AMOTL1: variants seen among roughly 807,000 people sequenced by gnomAD.
The protein encoded by AMOTL1 is angiomotin-like protein 1.
A neutral mutation model predicts 102.9 loss-of-function variants in AMOTL1; 45 were observed. The observed-to-expected ratio is 0.44, with a 90% CI of 0.34 to 0.56. The LOEUF is 0.56. Ranked by LOEUF, AMOTL1 falls within the 20% of genes least tolerant of loss-of-function variation. The pLI is 0.01. For synonymous variants in AMOTL1, 481 were observed against 484.7 expected (o/e 0.99, Z 0.10); for missense variants, 1,114 against 1,225.6 (o/e 0.91, Z 1.36).
chr11:94,853,889 C>T, intron 7 of AMOTL1, 44 bp from the exon 8 acceptor site: 2 of 1,585,052 alleles, frequency 1.3e-6, no homozygotes, highest in Middle Eastern at 1.7e-4. Context: ...CTTTGAGAAT[C>T]AGTGGTCTAA....
intron 9 of AMOTL1, among the ~76,000 whole-genome samples, chr11:94,861,119 G>A (rs1373244736): frequency 6.6e-6 from 1 of 152,070 alleles, no homozygotes; most frequent in East Asian, 1.9e-4. Context: ...GTTTATGTGG[G>A]TCTACACTTT....
chr11:94,772,383 C>T (rs989760267), intron 1 of AMOTL1, among the ~76,000 whole-genome samples: 2 of 152,208 alleles, frequency 1.3e-5, no homozygotes, highest in Admixed American at 1.3e-4. Flanking sequence ...CCCATCCTCA[C>T]TCTGTTGCTA....
intron 2 of AMOTL1, chr11:94,740,820 A>C (rs1047053039): frequency 6.0e-5 from 47 of 788,010 alleles, no homozygotes; most frequent in Non-Finnish European, 8.0e-5. Flanking sequence ...AGGGATTCTG[A>C]GCGCTGGGAG....
chr11:94,785,992 T>C (rs1416399307), intron 1 of AMOTL1, among the ~76,000 whole-genome samples: 3 of 152,188 alleles, frequency 2.0e-5, no homozygotes, highest in African/African-American at 7.2e-5. Context: ...AGAATACTAC[T>C]GTGGTCCTGA....
intron 6 of AMOTL1, among the ~76,000 whole-genome samples, chr11:94,833,791 A>C (rs142996592): frequency 6.6e-6 from 1 of 152,332 alleles, no homozygotes; most frequent in Non-Finnish European, 1.5e-5. Context: ...AATAGCAAGG[A>C]AGAGTAGGGG....
intron 8 of AMOTL1, among the ~76,000 whole-genome samples, chr11:94,857,220 T>G (rs964096770): frequency 1.8e-4 from 28 of 152,242 alleles, no homozygotes; most frequent in Non-Finnish European, 3.5e-4. Context: ...AAGTACTTTT[T>G]GGAATGCCTT....
intron 6 of AMOTL1, among the ~76,000 whole-genome samples, chr11:94,843,630 G>C (rs1034723407): frequency 6.6e-6 from 1 of 152,204 alleles, no homozygotes; most frequent in Non-Finnish European, 1.5e-5. Context: ...AGTATTATCA[G>C]ATATGGTGCC....
At chr11:94,753,489 T>C (rs1950683201) in intron 3 of AMOTL1, among the ~76,000 whole-genome samples, 1 of 152,210 alleles carries the variant, frequency 6.6e-6, no homozygotes. Flanking sequence ...AAAGAGCTAA[T>C]ATTTATTGAG....
intron 3 of AMOTL1, among the ~76,000 whole-genome samples, chr11:94,800,758 C>T (rs1951462254): frequency 6.6e-6 from 1 of 152,172 alleles, no homozygotes; most frequent in Non-Finnish European, 1.5e-5. Context: ...CACATAGTCC[C>T]ATCCCTCACT....
chr11:94,721,425 T>C (rs1950172542), intron 1 of AMOTL1, among the ~76,000 whole-genome samples: 1 of 152,150 alleles, frequency 6.6e-6, no homozygotes, highest in Non-Finnish European at 1.5e-5. Flanking sequence ...ATGTTTGTGC[T>C]ATCACAAATT....
chr11:94,733,375 A>G (rs1311937480), intron 2 of AMOTL1, among the ~76,000 whole-genome samples: 1 of 152,218 alleles, frequency 6.6e-6, no homozygotes, highest in East Asian at 1.9e-4. Context: ...ATCTGTTTCA[A>G]CTGTCGTTTT....
intron 1 of AMOTL1, among the ~76,000 whole-genome samples, chr11:94,791,177 C>T (rs12223263): frequency 2.0e-5 from 3 of 152,264 alleles, no homozygotes; most frequent in East Asian, 1.9e-4. Context: ...TGACAAATGA[C>T]GTGCAGATTT....
chr11:94,822,959 A>G (rs553412956), intron 4 of AMOTL1, among the ~76,000 whole-genome samples: 1 of 152,300 alleles, frequency 6.6e-6, no homozygotes, highest in East Asian at 1.9e-4. Flanking sequence ...TCCCTTGGCA[A>G]TAAAGGGCTT....
chr11:94,817,478 T>C (rs549766029), intron 3 of AMOTL1, among the ~76,000 whole-genome samples: 2 of 152,294 alleles, frequency 1.3e-5, no homozygotes, highest in Admixed American at 6.5e-5. Context: ...TTATCCTTCT[T>C]TGGATTATAT....
chr11:94,799,576 C>T lies in AMOTL1; in HGVS notation c.386C>T (p.Ala129Val). Residue 129 changes from alanine to valine, a missense_variant, in exon 3 of 13, where the codon GCA becomes GTA. Coordinates refer to ENST00000433060, the MANE Select transcript of AMOTL1 (RefSeq NM_130847.3). This position sits in a 1 kb window ranked among gnomAD's most constrained non-coding sequence, Gnocchi z 4.5. ...LAIQHQATGS[A>V]GPAHPTNNFS... ...ATTCAGCACCAGGCCACAGGGAGTG[C>T]AGGACCAGCCCATCCTACAAACAAC... 6.2e-7 allele frequency: 1 copy of T among 1,613,780 alleles called. No homozygotes were observed. Among genetic ancestry groups the T allele is most frequent in the East Asian group, 2.2e-5 (1 of 44,870 alleles).
intron 3 of AMOTL1, among the ~76,000 whole-genome samples, chr11:94,762,038 A>G: frequency 6.6e-6 from 1 of 152,198 alleles, no homozygotes; most frequent in South Asian, 2.1e-4. Flanking sequence ...TATTTTTAAT[A>G]GTGGCTTTAT....
At chr11:94,855,245 G>C (rs1675092931) in intron 8 of AMOTL1, among the ~76,000 whole-genome samples, 1 of 152,234 alleles carries the variant, frequency 6.6e-6, no homozygotes, top group South Asian at 2.1e-4. Context: ...GGCCCATGCA[G>C]TTCCCTCTGG....
Position 94,800,301 on chromosome 11 carries a change from G to T in AMOTL1, c.1111G>T (p.Gly371Trp). ...GCGGTACCAGCCACCCCCTGAGTAT[G>T]GGGTAACGAGGTGATTATCAACTGC... Reference protein sequence around the residue: ...VLRYQPPPEYGVTSRPCQLPF... With the variant: ...VLRYQPPPEYWVTSRPCQLPF... The change falls in exon 3 of 13, where the codon GGG becomes TGG. Residue 371 changes from glycine to tryptophan, a missense_variant. Coordinates refer to ENST00000433060, the MANE Select transcript of AMOTL1 (RefSeq NM_130847.3). The T allele has an allele frequency of 6.3e-7, 1 of 1,589,742 alleles. No individual in the cohort carries two copies. Among genetic ancestry groups the T allele is most frequent in the Non-Finnish European group, 8.6e-7 (1 of 1,169,456 alleles).
rs560530804 is a variant in AMOTL1 at position 94,792,665 on chromosome 11, C to T, written c.50-2346C>T. Among the ~76,000 whole-genome samples, 6 of 152,246 alleles carry T rather than the reference C, an allele frequency of 3.9e-5. No individual in the cohort carries two copies. In the East Asian group the frequency reaches 5.8e-4, roughly 15 times the overall value. On this transcript the variant is annotated intron_variant, in intron 1 of 12. Coordinates refer to ENST00000433060, the MANE Select transcript of AMOTL1 (RefSeq NM_130847.3). ...AGCAGTGGGAGTGTAACTCAGTGGA[C>T]GTGCAGGACCCTGGGTGTGTGTGAA...
Sources: gnomAD v4.1 joint callset for allele counts (sites outside exome capture counted in the v4.1 genomes callset) on GRCh38, gnomAD v4.1.1 for gene constraint, Gnocchi (gnomAD v3.1) non-coding constraint, MANE v1.5 for transcripts, NCBI Gene and HGNC (gene_info 2026-07-23, HGNC 2026-07-21) for gene names.